Variants in PSEN1 observed in about 807,000 individuals in gnomAD.
PSEN1 encodes the protein presenilin 1, also known as presenilin-1.
In PSEN1, 15 loss-of-function variants were observed where a neutral mutation model predicts 53.5. The observed-to-expected ratio is 0.28, with a 90% CI of 0.19 to 0.43. The LOEUF (loss-of-function observed/expected upper bound fraction) is 0.43, where lower values mean the gene tolerates loss of function less well. Among genes scored for constraint, PSEN1 ranks in the 20% least tolerant of loss-of-function variants. The pLI is 1.00. For missense variants in PSEN1, 387 were observed against 571.2 expected (o/e 0.68, Z 3.29); for synonymous variants, 208 against 209.8 (o/e 0.99, Z 0.08).
chr14:73,210,341 C>T (rs1478436684), intron 9 of PSEN1, among the ~76,000 whole-genome samples: 1 of 152,118 alleles, frequency 6.6e-6, no homozygotes, highest in African/African-American at 2.4e-5. Flanking sequence ...ATATTATTTG[C>T]ATAGTGAGAA....
At chr14:73,162,987 CCT>C (rs1332056192) in intron 3 of PSEN1, among the ~76,000 whole-genome samples, 4 of 152,012 alleles carry the variant, frequency 2.6e-5, no homozygotes, top group Admixed American at 6.6e-5. Flanking sequence ...TTTTGCTTTG[CCT>C]GCTTTTAAAC....
chr14:73,183,520 A>G (rs1179499366), intron 5 of PSEN1, among the ~76,000 whole-genome samples: 1 of 152,158 alleles, frequency 6.6e-6, no homozygotes, highest in Non-Finnish European at 1.5e-5. Context: ...TGCTGCCTTC[A>G]AGCATCTGTT....
intron 11 of PSEN1, among the ~76,000 whole-genome samples, chr14:73,217,910 C>T (rs1479630131): frequency 1.3e-5 from 2 of 150,996 alleles, no homozygotes; most frequent in East Asian, 2.0e-4. Flanking sequence ...GCCTCAGCCT[C>T]CCGAGTAGCT....
chr14:73,184,381 G>C (rs1212904198), intron 5 of PSEN1, among the ~76,000 whole-genome samples: 8 of 112,128 alleles, frequency 7.1e-5, no homozygotes, highest in Non-Finnish European at 1.5e-4. Flanking sequence ...GCGGCTGGCC[G>C]GGCGGGGGGC....
At chr14:73,139,855 T>G (rs1191631395) in intron 1 of PSEN1, among the ~76,000 whole-genome samples, 1 of 152,118 alleles carries the variant, frequency 6.6e-6, no homozygotes, top group Non-Finnish European at 1.5e-5. Context: ...TGGATGAGAG[T>G]GAGGAAAAAG....
At chr14:73,146,841 G>T (rs1333642093) in intron 1 of PSEN1, among the ~76,000 whole-genome samples, 2 of 152,112 alleles carry the variant, frequency 1.3e-5, no homozygotes, top group Admixed American at 6.5e-5. Context: ...ACGGATTTTT[G>T]CCTTCTATAT....
intron 5 of PSEN1, among the ~76,000 whole-genome samples, chr14:73,184,434 A>T (rs1595019859): frequency 1.1e-5 from 1 of 89,224 alleles, no homozygotes; most frequent in Non-Finnish European, 2.2e-5. Context: ...CTGGCCTGGC[A>T]GAGGGGCTCC....
At chr14:73,158,834 A>C (rs12878362) in intron 3 of PSEN1, among the ~76,000 whole-genome samples, 22,643 of 152,204 alleles carry the variant, frequency 0.15, 1,895 homozygotes, top group South Asian at 0.24. Flanking sequence ...TTCTACCAGC[A>C]GTATGAGTTC....
chr14:73,207,151 A>G (rs1196797592), intron 9 of PSEN1, among the ~76,000 whole-genome samples: 1 of 152,088 alleles, frequency 6.6e-6, no homozygotes, highest in Non-Finnish European at 1.5e-5. Context: ...TACCTCAAAA[A>G]TAATAATAAT....
At chr14:73,206,356 G>A (rs1374776600) in intron 8 of PSEN1, 30 bp from the exon 9 acceptor site, 2 of 1,547,880 alleles carry the variant, frequency 1.3e-6, no homozygotes, top group African/African-American at 2.7e-5. Context: ...TGTGTCCAGT[G>A]CTTACCTGGA....
chr14:73,152,613 GAAA>G (rs916394170), intron 3 of PSEN1, among the ~76,000 whole-genome samples: 1 of 144,674 alleles, frequency 6.9e-6, no homozygotes, highest in African/African-American at 2.5e-5. Context: ...CTCAAAAAAA[GAAA>G]AAAAAAACCC....
At chr14:73,174,453 C>G (rs996753451) in intron 5 of PSEN1, among the ~76,000 whole-genome samples, 1 of 152,164 alleles carries the variant, frequency 6.6e-6, no homozygotes, top group Admixed American at 6.5e-5. Context: ...ACACTGGTCT[C>G]GAACTCCTGG....
intron 8 of PSEN1, chr14:73,206,163 C>A: frequency 1.8e-6 from 1 of 544,800 alleles, no homozygotes; most frequent in Non-Finnish European, 3.3e-6. Context: ...TTTGTGATAG[C>A]AGGTGCAGTT....
rs1033707188 is a variant in PSEN1, at chr14:73,147,785, C to T, written c.-135-10C>T. 3.7e-6 allele frequency: 2 copies of T among 538,494 alleles called. No individual in the cohort carries two copies. Among genetic ancestry groups the T allele is most frequent in the Non-Finnish European group, 6.7e-6 (2 of 299,308 alleles). The allele number at this position is 538,494 out of a possible 1,614,324, so 33.4% of individuals were successfully genotyped here. A position where few individuals can be genotyped will look rare whatever the true frequency, so the allele number is the denominator to read the frequency against. The stretch of plus-strand genomic sequence containing the variant: ...CTAACAATGGATGACCTGGTGAAAT[C>T]CTATTTCAGACCTAATCTGGGAGCC... On this transcript the variant is annotated splice_polypyrimidine_tract_variant and intron_variant, in intron 1 of 11. Coordinates refer to ENST00000324501, the MANE Select transcript of PSEN1 (RefSeq NM_000021.4).
intron 5 of PSEN1, among the ~76,000 whole-genome samples, chr14:73,181,820 CT>C (rs1214736550): frequency 6.6e-6 from 1 of 152,076 alleles, no homozygotes; most frequent in African/African-American, 2.4e-5. Flanking sequence ...GTCAGTCAGG[CT>C]GGAATGTAGT....
rs1292101992 is a variant in PSEN1, at chr14:73,206,381, A to G, written c.869-5A>G. ...GCTTACCTGGAATTTTGTCTTTCCC[A>G]ACAGCAACAATGGTGTGGTTGGTGA... On this transcript the variant is annotated splice_region_variant and splice_polypyrimidine_tract_variant and intron_variant, in intron 8 of 11. Transcript: ENST00000324501. 1.9e-6 allele frequency: 3 copies of G among 1,613,412 alleles called. No homozygotes were observed. In the East Asian group the frequency reaches 6.7e-5, roughly 36 times the overall value.
At chr14:73,186,207 G>C (rs214263) in intron 5 of PSEN1, among the ~76,000 whole-genome samples, 31,533 of 151,872 alleles carry the variant, frequency 0.21, 3,525 homozygotes, top group African/African-American at 0.29. Context: ...TGGAGAAACT[G>C]TGTCTCTACT....
At chr14:73,213,202 G>T (rs1899773019) in intron 10 of PSEN1, among the ~76,000 whole-genome samples, 1 of 152,130 alleles carries the variant, frequency 6.6e-6, no homozygotes, top group African/African-American at 2.4e-5. Context: ...TGCCTTTGCT[G>T]GGACTTTGTT....
intron 1 of PSEN1, among the ~76,000 whole-genome samples, chr14:73,141,734 A>G (rs377475251): frequency 1.3e-5 from 2 of 151,898 alleles, no homozygotes; most frequent in Non-Finnish European, 1.5e-5. Context: ...GCAGTGAGCC[A>G]TGATCGTGGC....
Sources: allele counts gnomAD v4.1 joint callset (sites outside exome capture counted in the v4.1 genomes callset), GRCh38; gene constraint gnomAD v4.1.1; transcripts MANE v1.5; gene names NCBI Gene and HGNC (gene_info 2026-07-23, HGNC 2026-07-21).